The following ZBTB20 variants were observed in gnomAD, a reference collection of about 807,000 sequenced individuals.
The protein encoded by ZBTB20 is zinc finger and BTB domain-containing protein 20.
Under a neutral mutation model 56.9 loss-of-function variants are expected in ZBTB20, and 9 were observed. That is an observed-to-expected ratio of 0.16 (90% CI 0.10 to 0.28). The LOEUF is 0.28. Among genes scored for constraint, ZBTB20 ranks in the 10% least tolerant of loss-of-function variants. The probability of loss-of-function intolerance (pLI) is 1.00; values close to 1 mark genes in which losing one functional copy is unlikely to be tolerated. For missense variants in ZBTB20, 655 were observed against 1,003.0 expected (o/e 0.65, Z 4.69); for synonymous variants, 417 against 420.7 (o/e 0.99, Z 0.11).
chr3:115,117,530 A>G, intron 1 of ZBTB20, among the ~76,000 whole-genome samples: 1 of 152,180 alleles, frequency 6.6e-6, no homozygotes, highest in East Asian at 1.9e-4. Context: ...TTATTAAAAA[A>G]CAATCAACAG....
At chr3:114,404,752 C>T (rs1401522310) in intron 7 of ZBTB20, among the ~76,000 whole-genome samples, 2 of 152,106 alleles carry the variant, frequency 1.3e-5, no homozygotes, top group African/African-American at 2.4e-5. Flanking sequence ...GAGCTTATAT[C>T]ATATCCTGAC....
chr3:114,557,501 T>C (rs145295062), intron 6 of ZBTB20, among the ~76,000 whole-genome samples: 27 of 152,094 alleles, frequency 1.8e-4, no homozygotes, highest in African/African-American at 6.0e-4. Flanking sequence ...ATAAGGCTAT[T>C]CTATGATACT....
chr3:114,967,884 G>T (rs1288004843), intron 3 of ZBTB20, among the ~76,000 whole-genome samples: 2 of 151,538 alleles, frequency 1.3e-5, no homozygotes, highest in African/African-American at 4.9e-5. Flanking sequence ...TTGAACCCAG[G>T]AGGCGGAGGT....
chr3:114,635,679 CA>C (rs1263914505), intron 6 of ZBTB20, among the ~76,000 whole-genome samples: 1 of 151,260 alleles, frequency 6.6e-6, no homozygotes, highest in Non-Finnish European at 1.5e-5. Context: ...TAGAGGAGTT[CA>C]AAAGCAGACC....
intron 7 of ZBTB20, among the ~76,000 whole-genome samples, chr3:114,465,183 G>C (rs1446903008): frequency 6.6e-6 from 1 of 151,994 alleles, no homozygotes; most frequent in East Asian, 1.9e-4. Context: ...GTTTGTTCTA[G>C]ATTAAGGATT....
chr3:114,477,022 G>A (rs1194265088), intron 7 of ZBTB20, among the ~76,000 whole-genome samples: 1 of 152,170 alleles, frequency 6.6e-6, no homozygotes, highest in Non-Finnish European at 1.5e-5. Context: ...AAGAGAAGAT[G>A]TGCTTCTAAT....
At chr3:114,561,364 T>C (rs2052026690) in intron 6 of ZBTB20, among the ~76,000 whole-genome samples, 1 of 152,216 alleles carries the variant, frequency 6.6e-6, no homozygotes, top group Non-Finnish European at 1.5e-5. Context: ...TTACTTTGCC[T>C]ATGTCGATGA....
intron 3 of ZBTB20, among the ~76,000 whole-genome samples, chr3:114,952,971 C>T (rs977312949): frequency 1.3e-5 from 2 of 151,940 alleles, no homozygotes; most frequent in African/African-American, 4.8e-5. Context: ...AACGATTATT[C>T]TTTTGGGTTC....
chr3:114,385,395 A>T (rs2084982006), intron 8 of ZBTB20, among the ~76,000 whole-genome samples: 1 of 152,090 alleles, frequency 6.6e-6, no homozygotes, highest in Non-Finnish European at 1.5e-5. Context: ...TCTGAGCCTC[A>T]TTTTCCTCAT....
At chr3:114,924,706 C>A (rs1365012076) in intron 3 of ZBTB20, among the ~76,000 whole-genome samples, 2 of 152,214 alleles carry the variant, frequency 1.3e-5, no homozygotes, top group Non-Finnish European at 2.9e-5. Flanking sequence ...ATGCATAAAA[C>A]AATCACAATG....
intron 2 of ZBTB20, among the ~76,000 whole-genome samples, chr3:114,984,339 T>C (rs752845776): frequency 1.3e-5 from 2 of 152,088 alleles, no homozygotes; most frequent in African/African-American, 4.8e-5. Flanking sequence ...ATGTGCCTTG[T>C]TGGTGTGCTG....
chr3:114,448,715 A>G (rs554764085), intron 7 of ZBTB20, among the ~76,000 whole-genome samples: 182 of 152,318 alleles, frequency 1.2e-3, no homozygotes, highest in African/African-American at 3.8e-3. Context: ...TCAGCAGCAT[A>G]TAAGACTTAT....
intron 6 of ZBTB20, among the ~76,000 whole-genome samples, chr3:114,638,805 A>G (rs980176351): frequency 2.6e-5 from 4 of 152,146 alleles, no homozygotes; most frequent in Non-Finnish European, 4.4e-5. Context: ...AAATTTTTAA[A>G]TATTTTCCAA....
At chr3:114,624,092 A>G (rs1278837494) in intron 6 of ZBTB20, 2 of 152,158 alleles carry the variant, frequency 1.3e-5, no homozygotes, top group Non-Finnish European at 1.5e-5. Context: ...TTGACACATC[A>G]AATTCTGGAA....
chr3:115,076,530 T>C (rs966636802), intron 1 of ZBTB20, among the ~76,000 whole-genome samples: 1 of 152,070 alleles, frequency 6.6e-6, no homozygotes, highest in Admixed American at 6.6e-5. Flanking sequence ...TCTTACAACA[T>C]ACACAAAAAT....
chr3:114,746,383 GT>G (rs530396079), intron 5 of ZBTB20, among the ~76,000 whole-genome samples: 2 of 149,994 alleles, frequency 1.3e-5, no homozygotes, highest in Non-Finnish European at 3.0e-5. Context: ...TTTTGTTTTT[GT>G]TTTTTTTTAA....
Position 114,319,540 on chromosome 3 carries a change from T to A in ZBTB20, c.*19465A>T, listed in dbSNP as rs1674139278. The stretch of plus-strand genomic sequence containing the variant: ...AGGAAAAATACCGCTGTTCTTCCCT[T>A]TACTGTGCATTTGTATGGGTAAACG... On this transcript the variant is annotated 3_prime_UTR_variant, in exon 12 of 12. Transcript: ENST00000675478. 1 of 152,186 alleles carries A rather than the reference T, an allele frequency of 6.6e-6. No individual in the cohort carries two copies. The highest frequency in any genetic ancestry group is 2.4e-5 in the African/African-American group (1 of 41,448). 9.4% of individuals were successfully genotyped at this position (152,186 alleles called of 1,614,324 possible).
intron 1 of ZBTB20, among the ~76,000 whole-genome samples, chr3:115,137,091 T>A (rs1299336330): frequency 1.3e-5 from 2 of 152,082 alleles, no homozygotes; most frequent in Non-Finnish European, 2.9e-5. Context: ...CCATTTGAAT[T>A]ATATAAAATG....
intron 7 of ZBTB20, among the ~76,000 whole-genome samples, chr3:114,399,558 G>A (rs150265780): frequency 0.014 from 2,199 of 152,190 alleles, 60 homozygotes; most frequent in African/African-American, 0.051. Context: ...ATTATTGGGT[G>A]GGTGAAGCTA....
Sources: allele counts gnomAD v4.1 joint callset (sites outside exome capture counted in the v4.1 genomes callset), GRCh38; gene constraint gnomAD v4.1.1; transcripts MANE v1.5; gene names NCBI Gene and HGNC (gene_info 2026-07-23, HGNC 2026-07-21).